The following USP49 variants were observed in gnomAD, a reference collection of about 807,000 sequenced individuals.
USP49 encodes ubiquitin carboxyl-terminal hydrolase 49.
In USP49, 24 loss-of-function variants were observed where a neutral mutation model predicts 58.6. That is an observed-to-expected ratio of 0.41 (90% CI 0.30 to 0.58). The LOEUF is 0.58. Ranked by LOEUF, USP49 falls within the 20% of genes least tolerant of loss-of-function variation. The probability of loss-of-function intolerance (pLI) is 0.30; values close to 1 mark genes in which losing one functional copy is unlikely to be tolerated. For missense variants in USP49, 703 were observed against 866.1 expected, an observed-to-expected ratio of 0.81 and a Z score of 2.36; for synonymous variants, 408 against 365.1, an observed-to-expected ratio of 1.12 and a Z score of -1.34.
chr6:41,803,338 C>G lies in USP49; in HGVS notation c.1561+468G>C, dbSNP rs188931485. ...TTGTTGTTTGAAACGGAGTCTTGCT[C>G]TGTTGCCCAGGCTGGAGTGCAATGG... On this transcript the variant is annotated intron_variant, in intron 5 of 7. Coordinates refer to ENST00000682992, the MANE Select transcript of USP49 (RefSeq NM_001286554.2). This position sits in a 1 kb window ranked among gnomAD's most constrained non-coding sequence, Gnocchi z 4.1. Among the ~76,000 whole-genome samples the G allele has an allele frequency of 6.6e-6, 1 of 152,304 alleles. No homozygotes were observed. Among genetic ancestry groups the G allele is most frequent in the African/African-American group, 2.4e-5 (1 of 41,564 alleles).
At chr6:41,892,085 T>C (rs942956347) in intron 1 of USP49, among the ~76,000 whole-genome samples, 1 of 152,168 alleles carries the variant, frequency 6.6e-6, no homozygotes, top group Non-Finnish European at 1.5e-5. Flanking sequence ...TAAAAATCCA[T>C]TTTCAGTTTT....
chr6:41,839,798 C>T (rs1360492077), intron 3 of USP49, among the ~76,000 whole-genome samples: 1 of 112,662 alleles, frequency 8.9e-6, no homozygotes, highest in South Asian at 3.0e-4. Context: ...TGTGAGGATG[C>T]AAAGACATAG....
chr6:41,822,329 A>G (rs1264252118), intron 3 of USP49, among the ~76,000 whole-genome samples: 1 of 152,196 alleles, frequency 6.6e-6, no homozygotes, highest in Non-Finnish European at 1.5e-5. Context: ...GAAAAAAAGG[A>G]ACAATTTCTG....
At chr6:41,830,343 G>A (rs552950983) in intron 3 of USP49, among the ~76,000 whole-genome samples, 2 of 152,296 alleles carry the variant, frequency 1.3e-5, no homozygotes, top group African/African-American at 4.8e-5. Flanking sequence ...GCTAAGTTCA[G>A]ATGAAGATCC....
intron 3 of USP49, among the ~76,000 whole-genome samples, chr6:41,831,250 C>T (rs1006200509): frequency 6.6e-6 from 1 of 151,962 alleles, no homozygotes; most frequent in Admixed American, 6.6e-5. Flanking sequence ...ATTAGCCGGG[C>T]GTGGTGGCAT....
intron 3 of USP49, among the ~76,000 whole-genome samples, chr6:41,857,473 T>C (rs142967198): frequency 8.4e-4 from 128 of 152,218 alleles, no homozygotes; most frequent in Admixed American, 2.0e-3. Context: ...GGCAAAATCC[T>C]ATCTCTACAA....
chr6:41,815,911 A>G (rs927862678), intron 3 of USP49, among the ~76,000 whole-genome samples: 3 of 152,224 alleles, frequency 2.0e-5, no homozygotes, highest in Non-Finnish European at 4.4e-5. Flanking sequence ...GCTCACTTGC[A>G]TTAGGATCTG....
At chr6:41,800,055 A>T in intron 5 of USP49, 117 bp from the exon 6 acceptor site, 1 of 877,924 alleles carries the variant, frequency 1.1e-6, no homozygotes, top group East Asian at 2.6e-5. Flanking sequence ...TCTGAACCTC[A>T]ATTTTTTGGG....
intron 3 of USP49, among the ~76,000 whole-genome samples, chr6:41,870,059 G>C (rs1050557645): frequency 5.3e-5 from 8 of 152,218 alleles, no homozygotes; most frequent in African/African-American, 1.9e-4. Flanking sequence ...CCGTATCTGA[G>C]ATGGTTTAAC....
At chr6:41,857,843 G>A (rs573687151) in intron 3 of USP49, among the ~76,000 whole-genome samples, 13 of 152,190 alleles carry the variant, frequency 8.5e-5, no homozygotes, top group Non-Finnish European at 1.2e-4. Flanking sequence ...TACTTACATA[G>A]TTCATCAGTA....
chr6:41,875,614 C>T (rs1318362791), intron 2 of USP49, among the ~76,000 whole-genome samples: 2 of 152,182 alleles, frequency 1.3e-5, no homozygotes, highest in Non-Finnish European at 2.9e-5. Flanking sequence ...CACTAGCACA[C>T]TATCCTTATT....
chr6:41,838,797 G>A (rs1489897642), intron 3 of USP49, among the ~76,000 whole-genome samples: 1 of 152,116 alleles, frequency 6.6e-6, no homozygotes, highest in East Asian at 1.9e-4. Context: ...ATCAGCACAT[G>A]GAACATTCTC....
intron 3 of USP49, among the ~76,000 whole-genome samples, chr6:41,839,554 T>C (rs1773786575): frequency 8.1e-6 from 1 of 124,018 alleles, no homozygotes; most frequent in Admixed American, 7.9e-5. Flanking sequence ...AGACCTAAAA[T>C]AAATTGAAAC....
intron 3 of USP49, among the ~76,000 whole-genome samples, chr6:41,827,396 A>C (rs1277691652): frequency 1.3e-5 from 2 of 152,184 alleles, no homozygotes; most frequent in Non-Finnish European, 2.9e-5. Context: ...ACAGTGGCTC[A>C]CGCCTGTAAT....
In USP49 at chr6:41,806,590, C is replaced by T; in HGVS notation, c.394G>A (p.Ala132Thr). The T allele has an allele frequency of 1.2e-6, 2 of 1,605,280 alleles. No homozygotes were observed. The highest frequency in any genetic ancestry group is 1.7e-6 in the Non-Finnish European group (2 of 1,177,930). The change falls in exon 4 of 8, where the codon GCT becomes ACT. Residue 132 changes from alanine (A) to threonine (T), a missense_variant. Physicochemically the swap from Ala to Thr is moderately conservative, Grantham distance 58 (BLOSUM62 0). Coordinates refer to ENST00000682992, the MANE Select transcript of USP49 (RefSeq NM_001286554.2). The surrounding 1 kb of genome is among the most constrained non-coding windows in gnomAD (Gnocchi z 5.9). Reference protein sequence around the residue: ...SGEDVVLPQRAPQGQPQMLTA... With the variant: ...SGEDVVLPQRTPQGQPQMLTA... ...AGCATCTGCGGCTGTCCCTGAGGAG[C>T]GCGCTGCGGCAGGACCACGTCCTCA...
intron 3 of USP49, among the ~76,000 whole-genome samples, chr6:41,833,258 C>T (rs897762489): frequency 8.6e-5 from 13 of 151,808 alleles, no homozygotes; most frequent in East Asian, 5.8e-4. Context: ...CCTCATGATC[C>T]GCCCGCCTCG....
chr6:41,867,049 G>C (rs1377119872), intron 3 of USP49, among the ~76,000 whole-genome samples: 1 of 152,208 alleles, frequency 6.6e-6, no homozygotes, highest in East Asian at 1.9e-4. Context: ...CATTTTATTA[G>C]TGTACTTGTT....
chr6:41,829,957 AAT>A (rs754292224), intron 3 of USP49, among the ~76,000 whole-genome samples: 2 of 152,346 alleles, frequency 1.3e-5, no homozygotes, highest in East Asian at 3.9e-4. Context: ...TTTAAAAATT[AAT>A]ATGTTGGATG....
intron 3 of USP49, among the ~76,000 whole-genome samples, chr6:41,816,937 C>T (rs1773362461): frequency 6.6e-6 from 1 of 151,486 alleles, no homozygotes; most frequent in Non-Finnish European, 1.5e-5. Context: ...AATTCCTGAA[C>T]TGAAGTGATC....
Sources: gnomAD v4.1 joint callset for allele counts (sites outside exome capture counted in the v4.1 genomes callset) on GRCh38, gnomAD v4.1.1 for gene constraint, Gnocchi (gnomAD v3.1) non-coding constraint, MANE v1.5 for transcripts, NCBI Gene and HGNC (gene_info 2026-07-23, HGNC 2026-07-21) for gene names.